The following MAN2C1 variants were observed in gnomAD, a reference collection of about 807,000 sequenced individuals.
MAN2C1 encodes mannosidase alpha class 2C member 1.
Under a neutral mutation model 126.9 loss-of-function variants are expected in MAN2C1, and 111 were observed. That is an observed-to-expected ratio of 0.87 (90% confidence interval 0.75 to 1.02). The LOEUF (loss-of-function observed/expected upper bound fraction) is 1.02, where lower values mean the gene tolerates loss of function less well. MAN2C1 is among the 50% of genes least tolerant of loss of function. The pLI is 0.00. For synonymous variants in MAN2C1, 567 were observed against 561.5 expected, an observed-to-expected ratio of 1.01 and a Z score of -0.14; for missense variants, 1,363 against 1,364.4, an observed-to-expected ratio of 1.00 and a Z score of 0.02.
In MAN2C1 at chr15:75,359,427, TG is replaced by T. The variant is rs2072419561; in HGVS notation, c.1949-3del. On this transcript the variant is annotated splice_polypyrimidine_tract_variant and splice_region_variant and intron_variant, in intron 16 of 25. Transcript: ENST00000267978. ...CCATGCTGGGCACTGTCACCAGGGC[TG>T]GGGGTGAGGCCTGGGCATCAGTGCA... The T allele has an allele frequency of 1.9e-6, 3 of 1,609,926 alleles. No homozygotes were observed. Among genetic ancestry groups the T allele is most frequent in the Non-Finnish European group, 2.5e-6 (3 of 1,178,682 alleles).
chr15:75,356,327 C>CG lies in MAN2C1; in HGVS notation c.2859dup (p.Ala954ArgfsTer25). The CG allele has an allele frequency of 6.2e-7, 1 of 1,612,104 alleles. No homozygotes were observed. The highest frequency in any genetic ancestry group is 8.5e-7 in the Non-Finnish European group (1 of 1,179,398). ...TGCTTGACGGTCTCCAATACGACCG[C>CG]GGGTGAAGACACGGAAAACGCACTC... On this transcript the variant is annotated frameshift_variant, in exon 24 of 26. Transcript: ENST00000267978. LOFTEE classifies it high-confidence loss of function. This position sits in a 1 kb window ranked among gnomAD's most constrained non-coding sequence, Gnocchi z 5.8.
intron 12 of MAN2C1, 43 bp from the exon 13 acceptor site, chr15:75,360,731 C>A: frequency 6.2e-7 from 1 of 1,603,894 alleles, no homozygotes; most frequent in South Asian, 1.1e-5. Flanking sequence ...TTGGAGACCA[C>A]ATGGCTCACC....
chr15:75,366,628 G>C, intron 3 of MAN2C1, 36 bp from the exon 4 acceptor site: 2 of 1,535,498 alleles, frequency 1.3e-6, no homozygotes, highest in Non-Finnish European at 8.9e-7. Context: ...CAAGGCTTGA[G>C]GCTTTTGGAC....
Position 75,364,598 on chromosome 15 carries a change from C to T in MAN2C1, c.490G>A (p.Ala164Thr), listed in dbSNP as rs368882432. 3.3e-5 allele frequency: 53 copies of T among 1,613,606 alleles called. No homozygotes were observed. In the African/African-American group the frequency reaches 5.7e-4, roughly 17 times the overall value. The stretch of plus-strand genomic sequence containing the variant: ...TGGAACATCTTCTCAGGGTCAGGGG[C>T]TGCAATCATGCTTCCCTTCCCGGCC... ...LGAGKGSMIA[A>T]PDPEKMFQLS... is the part of the protein sequence containing the mutation. The change falls in exon 5 of 26, where the codon GCC becomes ACC. Residue 164 changes from alanine to threonine, a missense_variant. By Grantham distance (58) the Ala-to-Thr change is moderately conservative. Around this residue, in one of 3 missense-constraint regions of MAN2C1, gnomAD observed 628 missense variants for 609.8 expected, o/e 1.03. Transcript: ENST00000267978.
At chr15:75,367,405 G>A in intron 3 of MAN2C1, 106 bp downstream of exon 3, 1 of 1,439,558 alleles carries the variant, frequency 6.9e-7, no homozygotes, top group Non-Finnish European at 9.4e-7. Flanking sequence ...CCACCCTGTG[G>A]GCAGAGCAAC....
chr15:75,360,824 C>G, intron 12 of MAN2C1, 136 bp from the exon 13 acceptor site: 1 of 1,275,004 alleles, frequency 7.8e-7, no homozygotes, highest in Non-Finnish European at 1.1e-6. Context: ...ATGGCCAGCC[C>G]TGGACGCCCT....
Position 75,356,859 on chromosome 15 carries a change from C to T in MAN2C1, c.2591G>A (p.Gly864Glu). Residue 864 changes from glycine to glutamate, a missense_variant, in exon 22 of 26, where the codon GGG becomes GAG. Gly to Glu is a moderately conservative substitution (Grantham distance 98). Transcript: ENST00000267978. The surrounding 1 kb of genome is among the most constrained non-coding windows in gnomAD (Gnocchi z 5.8). The part of the protein sequence containing the change: ...RWMDLSEHGF[G>E]LALLNDCKYG... ...CTTGCAGTCGTTGAGCAGGGCCAGC[C>T]CAAAGCCGTGTTCTGACAGATCCAT... The T allele has an allele frequency of 6.2e-7, 1 of 1,614,132 alleles. No homozygotes were observed. The highest frequency in any genetic ancestry group is 8.5e-7 in the Non-Finnish European group (1 of 1,180,030).
chr15:75,367,962 G>C (rs537966757), intron 2 of MAN2C1, 111 bp downstream of exon 2: 3 of 1,362,112 alleles, frequency 2.2e-6, no homozygotes, highest in Non-Finnish European at 2.9e-6. Flanking sequence ...GGTGCTGCTC[G>C]ATCCCACGTA....
chr15:75,357,285 C>T (rs1215971857), intron 21 of MAN2C1: 1 of 182,218 alleles, frequency 5.5e-6, no homozygotes, highest in Admixed American at 5.7e-5. Flanking sequence ...GCTGGGATAA[C>T]AGGACATGTG....
chr15:75,364,837 A>G (rs2072544206), intron 4 of MAN2C1, among the ~76,000 whole-genome samples, 172 bp from the exon 5 acceptor site: 1 of 152,236 alleles, frequency 6.6e-6, no homozygotes, highest in East Asian at 1.9e-4. Flanking sequence ...GTTGTGGTAC[A>G]AACACCAGAT....
chr15:75,362,171 C>A lies in MAN2C1; in HGVS notation c.1008+172G>T. The A allele has an allele frequency of 1.5e-6, 1 of 682,192 alleles. No individual in the cohort carries two copies. The highest frequency in any genetic ancestry group is 2.5e-6 in the Non-Finnish European group (1 of 395,880). 42.3% of individuals were successfully genotyped at this position (682,192 alleles called of 1,614,324 possible). A position where few individuals can be genotyped will look rare whatever the true frequency, so the allele number is the denominator to read the frequency against. ...ACTTGTCACAGCGCTGGAGGCTCTC[C>A]TCCCCCTTGAAGTCCCAGGCCTTGA... On this transcript the variant is annotated intron_variant, in intron 8 of 25. Transcript: ENST00000267978. This position sits in a 1 kb window ranked among gnomAD's most constrained non-coding sequence, Gnocchi z 4.5.
rs762935284 is a variant in MAN2C1, at chr15:75,356,675, G to A, written c.2668C>T (p.Pro890Ser). 1.3e-6 allele frequency: 2 copies of A among 1,591,128 alleles called. No homozygotes were observed. The highest frequency in any genetic ancestry group is 3.6e-5 in the Admixed American group (2 of 55,702). ...TCAGCAGTAGCGTCCGGGGCTTTAGGCGCCCGCAAGCTGGGGTGAGGAGGG... is the reference window on the plus strand; with the variant it reads ...TCAGCAGTAGCGTCCGGGGCTTTAGACGCCCGCAAGCTGGGGTGAGGAGGG... ...SILSLSLLRA[P>S]KAPDATADTG... is the part of the protein sequence containing the mutation. The change falls in exon 23 of 26, where the codon CCT becomes TCT. Residue 890 changes from proline (P) to serine (S), a missense_variant. Pro to Ser is a moderately conservative substitution (Grantham distance 74). This residue lies in a region of MAN2C1 where 668 missense variants were observed against 650.1 expected (regional missense o/e 1.03). Transcript: ENST00000267978. This position sits in a 1 kb window ranked among gnomAD's most constrained non-coding sequence, Gnocchi z 5.8.
At chr15:75,368,326 C>A in intron 1 of MAN2C1, 128 bp from the exon 2 acceptor site, 1 of 1,430,218 alleles carries the variant, frequency 7.0e-7, no homozygotes, top group Non-Finnish European at 9.4e-7. Flanking sequence ...CTCCGCGGCA[C>A]AGTCCATTCC....
chr15:75,355,902 G>A lies in MAN2C1; in HGVS notation c.*4C>T, dbSNP rs2072276137. 2 of 1,614,040 alleles carry A rather than the reference G, an allele frequency of 1.2e-6. No individual in the cohort carries two copies. The highest frequency in any genetic ancestry group is 2.2e-5 in the East Asian group (1 of 44,888). On this transcript the variant is annotated 3_prime_UTR_variant, in exon 26 of 26. Transcript: ENST00000267978. The stretch of plus-strand genomic sequence containing the variant: ...TCTACAAACAAAACCCCAGCCCCAG[G>A]GACTCAGTGTGGCGGAGGCTGAAGC...
At position 75,362,305 on chromosome 15, in the gene MAN2C1, C is replaced by A; in HGVS notation, c.1008+38G>T. The A allele has an allele frequency of 6.3e-7, 1 of 1,576,044 alleles. No homozygotes were observed. The highest frequency in any genetic ancestry group is 1.1e-5 in the South Asian group (1 of 90,092). ...GGGCTACCTGAGGGAAGGCTGTTGT[C>A]ATACAGTTCAAGGCTGAGGAGTGCC... On this transcript the variant is annotated intron_variant, in intron 8 of 25. Transcript: ENST00000267978. The surrounding 1 kb of genome is among the most constrained non-coding windows in gnomAD (Gnocchi z 4.5).
At chr15:75,360,297 GAGGACTCACCA>G in intron 13 of MAN2C1, 86 bp from the exon 14 acceptor site, 1 of 1,558,560 alleles carries the variant, frequency 6.4e-7, no homozygotes. Flanking sequence ...CAGAATCCCT[GAGGACTCACCA>G]AGGGCCTCGT....
chr15:75,356,266 T>G lies in MAN2C1; in HGVS notation c.2886+35A>C. 1 of 1,612,024 alleles carries G rather than the reference T, an allele frequency of 6.2e-7. No individual in the cohort carries two copies. The highest frequency in any genetic ancestry group is 8.5e-7 in the Non-Finnish European group (1 of 1,179,312). Reference sequence around the variant, plus strand: ...GGGAGGGGCCGAGGGCAGGCCCAGTTCGGAACCCCGTCCCCAGCACGTCCC... The same window carrying G: ...GGGAGGGGCCGAGGGCAGGCCCAGTGCGGAACCCCGTCCCCAGCACGTCCC... On this transcript the variant is annotated intron_variant, in intron 24 of 25. Coordinates refer to ENST00000267978, the MANE Select transcript of MAN2C1 (RefSeq NM_006715.4). This position sits in a 1 kb window ranked among gnomAD's most constrained non-coding sequence, Gnocchi z 5.8.
chr15:75,365,580 G>A (rs1190497021), intron 4 of MAN2C1: 2 of 175,494 alleles, frequency 1.1e-5, no homozygotes, highest in South Asian at 2.0e-4. Flanking sequence ...CAAAAAATTA[G>A]CTGGGCATGG....
Position 75,367,570 on chromosome 15 carries a change from G to A in MAN2C1, c.292C>T (p.His98Tyr). 1 of 1,614,164 alleles carries A rather than the reference G, an allele frequency of 6.2e-7. No homozygotes were observed. Among genetic ancestry groups the A allele is most frequent in the Non-Finnish European group, 8.5e-7 (1 of 1,180,036 alleles). ...IPEAWVGQEV[H>Y]LCWESDGEGL... ...TCTCCATCACTTTCCCAGCAAAGGT[G>A]AACTTCCTGGCCCACCCATGCCTCT... Residue 98 changes from histidine to tyrosine, a missense_variant, in exon 3 of 26, where the codon CAC becomes TAC. Coordinates refer to ENST00000267978, the MANE Select transcript of MAN2C1 (RefSeq NM_006715.4).
Sources: allele counts gnomAD v4.1 joint callset (sites outside exome capture counted in the v4.1 genomes callset), GRCh38; gene constraint gnomAD v4.1.1; regional missense constraint gnomAD v4.1.1; non-coding constraint Gnocchi (gnomAD v3.1); transcripts MANE v1.5; gene names NCBI Gene and HGNC (gene_info 2026-07-23, HGNC 2026-07-21).